PASD1: variants seen among roughly 807,000 people sequenced by gnomAD.
The protein encoded by PASD1 is PAS domain containing repressor 1.
PASD1 carries 13 observed loss-of-function variants against 58.8 expected under a neutral mutation model. That is an observed-to-expected ratio of 0.22 (90% CI 0.14 to 0.35). PASD1 has a LOEUF of 0.35. PASD1 is among the 10% of genes least tolerant of loss of function. The pLI is 1.00. For missense variants in PASD1, 734 were observed against 568.3 expected (o/e 1.29, Z -2.96); for synonymous variants, 236 against 216.7 (o/e 1.09, Z -0.78).
At chrX:151,626,319 A>G (rs1252633869) in intron 8 of PASD1, among the ~76,000 whole-genome samples, 1 of 111,985 alleles carries the variant, frequency 8.9e-6, no homozygotes, top group Non-Finnish European at 1.9e-5. Flanking sequence ...ACATTTTCAG[A>G]GAATAGAAGC....
chrX:151,672,851 G>A lies in PASD1; in HGVS notation c.1916+190G>A. The A allele has an allele frequency of 1.7e-5, 11 of 661,436 alleles. No individual in the cohort carries two copies. The South Asian group carries it at 3.1e-4, about 19-fold the overall frequency. 54.5% of individuals were successfully genotyped at this position (661,436 alleles called of 1,213,427 possible). A position where few individuals can be genotyped will look rare whatever the true frequency, so the allele number is the denominator to read the frequency against. On this transcript the variant is annotated intron_variant, in intron 14 of 15. Transcript: ENST00000370357. ...TCATCCTTCTGCATGTGTGGTGCAT[G>A]GATGAGCATCCATTGATGGAACAAA...
chrX:151,604,261 T>C (rs1284697794), intron 2 of PASD1, among the ~76,000 whole-genome samples: 1 of 111,850 alleles, frequency 8.9e-6, no homozygotes, highest in Non-Finnish European at 1.9e-5. Flanking sequence ...ATAATTTAGT[T>C]AGGACTAGGG....
chrX:151,659,939 G>A (rs1384796392), intron 10 of PASD1, 103 bp downstream of exon 10: 1 of 768,106 alleles, frequency 1.3e-6, no homozygotes, highest in Non-Finnish European at 1.7e-6. Context: ...ATAATACTGT[G>A]AAATCCCAGA....
Position 151,648,591 on chromosome X carries a change from A to T in PASD1, c.630-24A>T, listed in dbSNP as rs113333578. Reference sequence around the variant, plus strand: ...AAATGGCGAGTGAGATATGCTTACCATCTCTCTTTTTTCCTATTTATAGTA... The same window carrying T: ...AAATGGCGAGTGAGATATGCTTACCTTCTCTCTTTTTTCCTATTTATAGTA... On this transcript the variant is annotated intron_variant, in intron 8 of 15. Coordinates refer to ENST00000370357, the MANE Select transcript of PASD1 (RefSeq NM_173493.3). The T allele has an allele frequency of 4.6e-5, 54 of 1,186,736 alleles. 2 individuals are homozygous for T. Among genetic ancestry groups the T allele is most frequent in the African/African-American group, 4.2e-4 (24 of 56,770 alleles).
At chrX:151,570,561 C>T (rs1375035815) in intron 1 of PASD1, among the ~76,000 whole-genome samples, 1 of 112,621 alleles carries the variant, frequency 8.9e-6, no homozygotes. Flanking sequence ...CAAGGAGCTA[C>T]ATAGTGATGA....
At chrX:151,603,144 A>G (rs1569403589) in intron 2 of PASD1, among the ~76,000 whole-genome samples, 1 of 112,899 alleles carries the variant, frequency 8.9e-6, no homozygotes, top group Non-Finnish European at 1.9e-5. Flanking sequence ...AGTCTGTAAG[A>G]TACAAAAGAA....
chrX:151,674,190 T>C lies in PASD1; in HGVS notation c.2175+4T>C. 1.7e-6 allele frequency: 2 copies of C among 1,211,464 alleles called. No homozygotes were observed. Among genetic ancestry groups the C allele is most frequent in the South Asian group, 3.5e-5 (2 of 56,966 alleles). On this transcript the variant is annotated splice_donor_region_variant and intron_variant, in intron 15 of 15. Coordinates refer to ENST00000370357, the MANE Select transcript of PASD1 (RefSeq NM_173493.3). The stretch of plus-strand genomic sequence containing the variant: ...CGGCCAACCCACCTACCATCAGGTA[T>C]GGGACAGCCCCCTCCTTTTCCTTCC...
At position 151,672,509 on chromosome X, in the gene PASD1, A is replaced by C; in HGVS notation, c.1764A>C (p.Gln588His). 8.3e-7 allele frequency: 1 copy of C among 1,211,739 alleles called. No individual in the cohort carries two copies. The highest frequency in any genetic ancestry group is 1.1e-6 in the Non-Finnish European group (1 of 895,557). The change falls in exon 14 of 16, where the codon CAA becomes CAC. Residue 588 changes from glutamine to histidine, a missense_variant. Coordinates refer to ENST00000370357, the MANE Select transcript of PASD1 (RefSeq NM_173493.3). ...ATGAGAGGGTGCAGATATGCCTGCA[A>C]AACCCACGTGACGTATCTGTGCCCC... is the stretch of plus-strand genomic sequence containing the variant. The part of the protein sequence containing the change: ...VGNERVQICL[Q>H]NPRDVSVPLC...
At chrX:151,630,781 T>G (rs1423456545) in intron 8 of PASD1, among the ~76,000 whole-genome samples, 1 of 112,810 alleles carries the variant, frequency 8.9e-6, no homozygotes, top group Non-Finnish European at 1.9e-5. Flanking sequence ...GGTGGGAATT[T>G]GAAGTATTTA....
intron 1 of PASD1, among the ~76,000 whole-genome samples, chrX:151,567,717 G>A (rs1016720591): frequency 9.0e-6 from 1 of 111,603 alleles, no homozygotes; most frequent in Non-Finnish European, 1.9e-5. Context: ...TTGTCTTTTT[G>A]TTCTGTTTTG....
At chrX:151,585,647 G>C (rs1023835887) in intron 1 of PASD1, among the ~76,000 whole-genome samples, 36 of 111,428 alleles carry the variant, frequency 3.2e-4, no homozygotes, top group African/African-American at 1.2e-3. Flanking sequence ...GGCTATGGTT[G>C]CTGGTCAGTT....
At chrX:151,667,766 CT>C (rs1356304347) in intron 11 of PASD1, among the ~76,000 whole-genome samples, 1 of 111,906 alleles carries the variant, frequency 8.9e-6, no homozygotes, top group Non-Finnish European at 1.9e-5. Context: ...CAGTACCATG[CT>C]GTTTTGGTTA....
chrX:151,648,661 G>A lies in PASD1; in HGVS notation c.676G>A (p.Val226Ile), dbSNP rs1854875024. 8 of 1,211,350 alleles carry A rather than the reference G, an allele frequency of 6.6e-6. No individual in the cohort carries two copies. Among genetic ancestry groups the A allele is most frequent in the Non-Finnish European group, 8.9e-6 (8 of 895,365 alleles). The change falls in exon 9 of 16, where the codon GTT becomes ATT. Residue 226 changes from valine to isoleucine, a missense_variant. Transcript: ENST00000370357. ...RGHTSMKAVYVEPAAAAAAAA... is the reference protein window; with the variant it reads ...RGHTSMKAVYIEPAAAAAAAA... ...ACACACTAGCATGAAAGCCGTGTAC[G>A]TTGAACCCGCTGCTGCTGCTGCTGC...
At chrX:151,619,034 G>A (rs1035493387) in intron 4 of PASD1, among the ~76,000 whole-genome samples, 1 of 111,616 alleles carries the variant, frequency 9.0e-6, no homozygotes, top group Non-Finnish European at 1.9e-5. Context: ...CTGTTCTATA[G>A]AGAATGGAGT....
chrX:151,597,539 C>G (rs1327305185), intron 1 of PASD1, among the ~76,000 whole-genome samples: 1 of 111,403 alleles, frequency 9.0e-6, no homozygotes, highest in Non-Finnish European at 1.9e-5. Flanking sequence ...TGTCCTCTCC[C>G]ATGTTTCTTG....
intron 4 of PASD1, among the ~76,000 whole-genome samples, chrX:151,620,384 C>G (rs776066344): frequency 9.1e-6 from 1 of 110,103 alleles, no homozygotes; most frequent in African/African-American, 3.3e-5. Flanking sequence ...GAAAGCAGGT[C>G]TCTAGGCACA....
intron 1 of PASD1, among the ~76,000 whole-genome samples, chrX:151,597,517 C>T (rs2013335638): frequency 9.0e-6 from 1 of 111,550 alleles, no homozygotes; most frequent in Admixed American, 9.5e-5. Flanking sequence ...TATGCCCTTT[C>T]ATTCCAAAAT....
At chrX:151,581,459 A>G (rs1344757893) in intron 1 of PASD1, among the ~76,000 whole-genome samples, 1 of 108,860 alleles carries the variant, frequency 9.2e-6, no homozygotes, top group Non-Finnish European at 1.9e-5. Context: ...GCATGGTGGC[A>G]TGCACCTGTA....
At chrX:151,646,209 C>G (rs1408170209) in intron 8 of PASD1, among the ~76,000 whole-genome samples, 1 of 112,048 alleles carries the variant, frequency 8.9e-6, no homozygotes, top group Non-Finnish European at 1.9e-5. Flanking sequence ...CAAATATTTG[C>G]CATTTATACT....
Sources: allele counts gnomAD v4.1 joint callset (sites outside exome capture counted in the v4.1 genomes callset), GRCh38; gene constraint gnomAD v4.1.1; transcripts MANE v1.5; gene names NCBI Gene and HGNC (gene_info 2026-07-23, HGNC 2026-07-21).